SNRPG: variants seen among roughly 807,000 people sequenced by gnomAD.
The protein encoded by SNRPG is small nuclear ribonucleoprotein G.
SNRPG carries 3 observed loss-of-function variants against 13.9 expected under a neutral mutation model. That is an observed-to-expected ratio of 0.22 (90% CI 0.10 to 0.56). The LOEUF is 0.56. Ranked by LOEUF, SNRPG falls within the 20% of genes least tolerant of loss-of-function variation. The pLI, the probability that SNRPG is intolerant of heterozygous loss-of-function variation, is 0.93. For missense variants in SNRPG, 34 were observed against 96.1 expected (o/e 0.35, Z 2.70); for synonymous variants, 29 against 29.3 (o/e 0.99, Z 0.03).
intron 1 of SNRPG, chr2:70,292,999 G>T: frequency 1.6e-6 from 1 of 610,524 alleles, no homozygotes; most frequent in South Asian, 2.0e-5. Context: ...AGCCTTCTCT[G>T]ACTAGAAAAA....
rs374092476 is a variant in SNRPG, at chr2:70,293,705, A to G, written c.-56T>C. ...TGGAACGCAACGCACGGCTTTCCTCACGCTCCCGCTGTAGGCCCGGCGTCT... is the reference window on the plus strand; with the variant it reads ...TGGAACGCAACGCACGGCTTTCCTCGCGCTCCCGCTGTAGGCCCGGCGTCT... On this transcript the variant is annotated 5_prime_UTR_variant, in exon 1 of 4. Coordinates refer to ENST00000272348, the MANE Select transcript of SNRPG (RefSeq NM_003096.4). 11 of 1,557,268 alleles carry G rather than the reference A, an allele frequency of 7.1e-6. No individual in the cohort carries two copies. Among genetic ancestry groups the G allele is most frequent in the Non-Finnish European group, 8.9e-6 (10 of 1,128,306 alleles).
At position 70,290,004 on chromosome 2, in the gene SNRPG, C is replaced by CTT. The variant is rs56861344; in HGVS notation, c.33-634_33-633dup. Among the ~76,000 whole-genome samples the CTT allele has an allele frequency of 4.1e-3, 533 of 130,890 alleles. 4 individuals carry two copies. Among genetic ancestry groups the CTT allele is most frequent in the African/African-American group, 0.012 (438 of 35,854 alleles). 85.9% of individuals were successfully genotyped at this position (130,890 alleles called of 152,430 possible). A position where few individuals can be genotyped will look rare whatever the true frequency, so the allele number is the denominator to read the frequency against. ...TTGTTTCATTGACCTAAATTTCTTT[C>CTT]TTTTTTTTTTTTTTTTTAAGAGATG... is the stretch of plus-strand genomic sequence containing the variant. On this transcript the variant is annotated intron_variant, in intron 1 of 3. Coordinates refer to ENST00000272348, the MANE Select transcript of SNRPG (RefSeq NM_003096.4).
At chr2:70,291,846 AC>A (rs1697105900) in intron 1 of SNRPG, among the ~76,000 whole-genome samples, 1 of 151,614 alleles carries the variant, frequency 6.6e-6, no homozygotes, top group African/African-American at 2.4e-5. Context: ...AAAAAAAATC[AC>A]CATTTCACCA....
chr2:70,292,536 C>CG (rs1697126632), intron 1 of SNRPG: 1 of 153,348 alleles, frequency 6.5e-6, no homozygotes, highest in African/African-American at 2.4e-5. Context: ...TTAGTAGAGA[C>CG]GGGGGTTTCA....
chr2:70,288,602 CAG>C lies in SNRPG; in HGVS notation c.56-412_56-411del, dbSNP rs566968231. 2.3e-3 allele frequency among the ~76,000 whole-genome samples: 344 copies of C among 152,298 alleles called. 2 individuals are homozygous for C. The highest frequency in any genetic ancestry group is 7.8e-3 in the African/African-American group (324 of 41,566). On this transcript the variant is annotated intron_variant, in intron 2 of 3. Coordinates refer to ENST00000272348, the MANE Select transcript of SNRPG (RefSeq NM_003096.4). Reference sequence around the variant, plus strand: ...TCATGGTTATACAGCTACTGTACGACAGAAGTGAGATTCAAGCTGAAGGCTGC... The same window carrying C: ...TCATGGTTATACAGCTACTGTACGACAAGTGAGATTCAAGCTGAAGGCTGC...
At chr2:70,286,078 C>T (rs1396823743) in intron 3 of SNRPG, among the ~76,000 whole-genome samples, 1 of 152,136 alleles carries the variant, frequency 6.6e-6, no homozygotes, top group African/African-American at 2.4e-5. Flanking sequence ...AGGTGCACAC[C>T]ACCATGCCCG....
Position 70,293,107 on chromosome 2 carries a change from G to A in SNRPG, c.32+511C>T, listed in dbSNP as rs888433269. 8.5e-6 allele frequency: 6 copies of A among 702,200 alleles called. No individual in the cohort carries two copies. The East Asian group carries it at 1.3e-4, about 16-fold the overall frequency. 43.5% of individuals were successfully genotyped at this position (702,200 alleles called of 1,614,324 possible). On this transcript the variant is annotated intron_variant, in intron 1 of 3. Transcript: ENST00000272348. ...ACATTCAAGCTTAACGTAAAAGAAG[G>A]CAAGAAAAAGGAATGAGGTTTCTAA...
chr2:70,292,110 C>G (rs189966277), intron 1 of SNRPG, among the ~76,000 whole-genome samples: 3 of 151,952 alleles, frequency 2.0e-5, no homozygotes, highest in Non-Finnish European at 2.9e-5. Context: ...ACCAAGCCCA[C>G]GTAATTTTTT....
At chr2:70,289,698 C>A (rs937854121) in intron 1 of SNRPG, among the ~76,000 whole-genome samples, 6 of 152,076 alleles carry the variant, frequency 3.9e-5, no homozygotes, top group Non-Finnish European at 8.8e-5. Context: ...ATGGTTCCAG[C>A]TACTTGGGAG....
chr2:70,285,153 A>G (rs552841578), intron 3 of SNRPG, among the ~76,000 whole-genome samples: 2 of 152,382 alleles, frequency 1.3e-5, no homozygotes, highest in South Asian at 2.1e-4. Flanking sequence ...GAGAAGCTGT[A>G]AAGTGCTTCC....
chr2:70,287,845 T>C (rs746659553), intron 3 of SNRPG: 11 of 551,370 alleles, frequency 2.0e-5, no homozygotes, highest in Non-Finnish European at 3.2e-5. Context: ...TTCCAACAGC[T>C]ATTTCAAGCG....
intron 3 of SNRPG, among the ~76,000 whole-genome samples, chr2:70,283,081 G>A (rs1358344840): frequency 8.0e-5 from 7 of 87,068 alleles, no homozygotes; most frequent in African/African-American, 3.2e-4. Flanking sequence ...GGCAACGAGC[G>A]AAACTGTCTT....
At chr2:70,291,289 T>G (rs1338700828) in intron 1 of SNRPG, 1 of 152,198 alleles carries the variant, frequency 6.6e-6, no homozygotes. Flanking sequence ...ACCTGAGTAT[T>G]AGCAGCTAGA....
intron 3 of SNRPG, chr2:70,287,455 G>T: frequency 7.8e-6 from 5 of 643,956 alleles, no homozygotes; most frequent in South Asian, 3.5e-5. Context: ...AATGAATGTA[G>T]GAATGTTTAA....
Position 70,283,112 on chromosome 2 carries a change from A to C in SNRPG, c.181-1428T>G, listed in dbSNP as rs980111645. ...GTCTTTTGTCAAAAAAAAAAAAAAA[A>C]AAAAAAAAAAAACAACAAACCAAAA... On this transcript the variant is annotated intron_variant, in intron 3 of 3. Coordinates refer to ENST00000272348, the MANE Select transcript of SNRPG (RefSeq NM_003096.4). Among the ~76,000 whole-genome samples, 960 of 147,850 alleles carry C rather than the reference A, an allele frequency of 6.5e-3. 62 individuals carry two copies. The highest frequency in any genetic ancestry group is 0.023 in the African/African-American group (906 of 39,708).
intron 1 of SNRPG, among the ~76,000 whole-genome samples, chr2:70,289,614 C>T (rs1697029661): frequency 6.6e-6 from 1 of 152,138 alleles, no homozygotes; most frequent in African/African-American, 2.4e-5. Flanking sequence ...GAGTTGAGAC[C>T]AGCCTGGGCA....
chr2:70,282,014 G>A (rs1696799964), intron 3 of SNRPG, among the ~76,000 whole-genome samples: 1 of 152,082 alleles, frequency 6.6e-6, no homozygotes, highest in South Asian at 2.1e-4. Flanking sequence ...CTGCCACCCA[G>A]GTTCAAGCAA....
intron 1 of SNRPG, chr2:70,293,146 C>T (rs1697146351): frequency 1.4e-6 from 1 of 702,404 alleles, no homozygotes; most frequent in Non-Finnish European, 2.6e-6. Context: ...AAAGCTCAAA[C>T]ACCTACAAAC....
intron 1 of SNRPG, among the ~76,000 whole-genome samples, chr2:70,291,116 C>A (rs1433357972): frequency 1.3e-5 from 2 of 151,608 alleles, no homozygotes; most frequent in Non-Finnish European, 2.9e-5. Context: ...ATATAACACA[C>A]AAGATCTTAT....
Sources: gnomAD v4.1 joint callset for allele counts (sites outside exome capture counted in the v4.1 genomes callset) on GRCh38, gnomAD v4.1.1 for gene constraint, MANE v1.5 for transcripts, NCBI Gene and HGNC (gene_info 2026-07-23, HGNC 2026-07-21) for gene names.